CCDC148: variants seen among roughly 807,000 people sequenced by gnomAD.
The protein encoded by CCDC148 is coiled-coil domain containing 148.
In CCDC148, 89 loss-of-function variants were observed where a neutral mutation model predicts 85.7. The ratio of observed to expected loss-of-function variants is 1.04; its 90% confidence interval spans 0.87 to 1.24. The LOEUF (loss-of-function observed/expected upper bound fraction) is 1.24, where lower values mean the gene tolerates loss of function less well. CCDC148 is among the 50% of genes most tolerant of loss of function. The pLI, the probability that CCDC148 is intolerant of heterozygous loss-of-function variation, is 0.00. For synonymous variants in CCDC148, 230 were observed against 213.9 expected, an observed-to-expected ratio of 1.08 and a Z score of -0.66; for missense variants, 692 against 671.7, an observed-to-expected ratio of 1.03 and a Z score of -0.33.
intron 1 of CCDC148, among the ~76,000 whole-genome samples, chr2:158,428,940 G>A (rs1311420764): frequency 6.6e-6 from 1 of 152,040 alleles, no homozygotes; most frequent in Non-Finnish European, 1.5e-5. Flanking sequence ...TATACACCAT[G>A]GAATACTATG....
At chr2:158,433,085 A>ATATATATATAT (rs1553521565) in intron 1 of CCDC148, among the ~76,000 whole-genome samples, 78 of 46,564 alleles carry the variant, frequency 1.7e-3, no homozygotes, top group Middle Eastern at 0.01. Context: ...AAAAAAAAAA[A>ATATATATATAT]AAAAAAATAT....
intron 10 of CCDC148, among the ~76,000 whole-genome samples, chr2:158,237,143 G>T (rs1383629931): frequency 6.6e-6 from 1 of 152,154 alleles, no homozygotes; most frequent in African/African-American, 2.4e-5. Flanking sequence ...AGTGTTCATG[G>T]AGTAGGAAGT....
At chr2:158,210,199 T>C (rs1441102529) in intron 11 of CCDC148, among the ~76,000 whole-genome samples, 2 of 151,516 alleles carry the variant, frequency 1.3e-5, no homozygotes, top group Non-Finnish European at 2.9e-5. Flanking sequence ...CCAACAAAGA[T>C]CAAAAAAGAC....
intron 7 of CCDC148, among the ~76,000 whole-genome samples, chr2:158,334,759 C>T (rs1238850963): frequency 1.3e-5 from 2 of 151,856 alleles, no homozygotes; most frequent in South Asian, 2.1e-4. Context: ...TGATCTGCTA[C>T]ACACTCCATA....
At chr2:158,283,874 C>T (rs1304288141) in intron 9 of CCDC148, among the ~76,000 whole-genome samples, 1 of 151,964 alleles carries the variant, frequency 6.6e-6, no homozygotes, top group African/African-American at 2.4e-5. Context: ...TTGGAACCAA[C>T]CAAAATGTCC....
At chr2:158,195,598 G>A (rs1008171112) in intron 11 of CCDC148, among the ~76,000 whole-genome samples, 1 of 152,062 alleles carries the variant, frequency 6.6e-6, no homozygotes, top group South Asian at 2.1e-4. Flanking sequence ...CTAGCTCAGA[G>A]CCTCCCTTTT....
Position 158,309,499 on chromosome 2 carries a change from T to C in CCDC148, c.1044A>G (p.Glu348=). Residue 348 remains glutamate (E), a synonymous_variant, in exon 9 of 14, where the codon GAA becomes GAG. Coordinates refer to ENST00000283233, the MANE Select transcript of CCDC148 (RefSeq NM_138803.4). ...LTLTEACATH[E]MESMLAKDKK... ...TGTCCTTAGCCAACATGCTCTCCATTTCATGTGTTGCACAAGCCTCAGTGA... is the reference window on the plus strand; with the variant it reads ...TGTCCTTAGCCAACATGCTCTCCATCTCATGTGTTGCACAAGCCTCAGTGA... 1 of 1,614,166 alleles carries C rather than the reference T, an allele frequency of 6.2e-7. No homozygotes were observed. Among genetic ancestry groups the C allele is most frequent in the South Asian group, 1.1e-5 (1 of 91,082 alleles).
At chr2:158,345,089 T>C (rs187082041) in intron 3 of CCDC148, 126 bp downstream of exon 3, 73 of 609,214 alleles carry the variant, frequency 1.2e-4, no homozygotes, top group African/African-American at 1.2e-3. Flanking sequence ...TTGACTCACA[T>C]TCAAATCGTA....
chr2:158,347,149 TAC>T (rs1350622739), intron 2 of CCDC148, among the ~76,000 whole-genome samples: 4 of 152,174 alleles, frequency 2.6e-5, no homozygotes, highest in Non-Finnish European at 4.4e-5. Context: ...CCATTTACCA[TAC>T]ACAGTCTCTA....
chr2:158,311,357 T>G (rs1452497039), intron 8 of CCDC148, among the ~76,000 whole-genome samples: 1 of 152,134 alleles, frequency 6.6e-6, no homozygotes, highest in Non-Finnish European at 1.5e-5. Flanking sequence ...TGCAATCCCA[T>G]GCACTCGGCA....
At chr2:158,447,778 A>AT (rs1209731240) in intron 1 of CCDC148, among the ~76,000 whole-genome samples, 1 of 152,178 alleles carries the variant, frequency 6.6e-6, no homozygotes, top group African/African-American at 2.4e-5. Flanking sequence ...TGCTTTATAT[A>AT]TTCTAGATAC....
chr2:158,211,169 G>T (rs958630289), intron 11 of CCDC148, among the ~76,000 whole-genome samples: 2 of 151,158 alleles, frequency 1.3e-5, no homozygotes, highest in African/African-American at 2.5e-5. Flanking sequence ...ACATATCCCA[G>T]AACTTAAAGT....
At chr2:158,309,341 A>G (rs1691856702) in intron 9 of CCDC148, 92 bp downstream of exon 9, 1 of 1,103,624 alleles carries the variant, frequency 9.1e-7, no homozygotes, top group Non-Finnish European at 1.3e-6. Context: ...GTTTTTTAAG[A>G]GAAACTGAAC....
chr2:158,311,415 G>A (rs1321302597), intron 8 of CCDC148, among the ~76,000 whole-genome samples: 3 of 151,398 alleles, frequency 2.0e-5, no homozygotes, highest in Middle Eastern at 3.5e-3. Context: ...AGCCGAGATC[G>A]CGGCAGTACA....
intron 1 of CCDC148, among the ~76,000 whole-genome samples, chr2:158,368,706 C>T (rs1482552405): frequency 6.6e-6 from 1 of 151,904 alleles, no homozygotes; most frequent in Non-Finnish European, 1.5e-5. Flanking sequence ...GTCACAATAG[C>T]TAGAGGGTTG....
At chr2:158,173,398 G>A (rs1684410032) in intron 13 of CCDC148, among the ~76,000 whole-genome samples, 1 of 152,020 alleles carries the variant, frequency 6.6e-6, no homozygotes, top group Non-Finnish European at 1.5e-5. Flanking sequence ...ACTAGGGTAT[G>A]TTTGTTTCTA....
Position 158,313,773 on chromosome 2 carries a change from T to C in CCDC148, c.886A>G (p.Lys296Glu), listed in dbSNP as rs753549086. 53 of 1,613,658 alleles carry C rather than the reference T, an allele frequency of 3.3e-5. No individual in the cohort carries two copies. The South Asian group carries it at 4.3e-4, about 13-fold the overall frequency. Reference sequence around the variant, plus strand: ...GTACTCACCAAATCATGCCTAGATTTGTGAGGAAAATATCTTTGTAACATG... The same window carrying C: ...GTACTCACCAAATCATGCCTAGATTCGTGAGGAAAATATCTTTGTAACATG... Reference protein sequence around the residue: ...LDMLQRYFPHKSRHDLVEHEK... With the variant: ...LDMLQRYFPHESRHDLVEHEK... The change falls in exon 8 of 14, where the codon AAA (lysine) becomes GAA (glutamate). Residue 296 changes from lysine to glutamate, a missense_variant. Coordinates refer to ENST00000283233, the MANE Select transcript of CCDC148 (RefSeq NM_138803.4).
intron 3 of CCDC148, among the ~76,000 whole-genome samples, chr2:158,342,031 T>C (rs1187054534): frequency 2.9e-5 from 4 of 139,030 alleles, no homozygotes; most frequent in African/African-American, 8.0e-5. Flanking sequence ...CTTTTCTTTT[T>C]TTTTTTTTTT....
chr2:158,239,982 TG>T (rs886939228), intron 10 of CCDC148, among the ~76,000 whole-genome samples: 1 of 152,160 alleles, frequency 6.6e-6, no homozygotes, highest in Non-Finnish European at 1.5e-5. Context: ...CCTTAAACTT[TG>T]CAAGATCACA....
Sources: allele counts gnomAD v4.1 joint callset (sites outside exome capture counted in the v4.1 genomes callset), GRCh38; gene constraint gnomAD v4.1.1; transcripts MANE v1.5; gene names NCBI Gene and HGNC (gene_info 2026-07-23, HGNC 2026-07-21).